Variants in STAP1 observed in about 807,000 individuals in gnomAD.
STAP1 encodes signal-transducing adaptor protein 1.
Under a neutral mutation model 37.8 loss-of-function variants are expected in STAP1, and 30 were observed. That is an observed-to-expected ratio of 0.79 (90% CI 0.59 to 1.08). The LOEUF is 1.08. Ranked by LOEUF, STAP1 falls within the 50% of genes least tolerant of loss-of-function variation. The probability of loss-of-function intolerance (pLI) is 0.00; values close to 1 mark genes in which losing one functional copy is unlikely to be tolerated. For synonymous variants in STAP1, 130 were observed against 116.0 expected (o/e 1.12, Z -0.78); for missense variants, 357 against 349.4 (o/e 1.02, Z -0.17).
intron 6 of STAP1, among the ~76,000 whole-genome samples, 162 bp downstream of exon 6, chr4:67,583,864 T>A (rs1727922288): frequency 6.6e-6 from 1 of 152,064 alleles, no homozygotes; most frequent in African/African-American, 2.4e-5. Flanking sequence ...TTCGGGAGGC[T>A]GAGGCAGACG....
intron 1 of STAP1, among the ~76,000 whole-genome samples, chr4:67,563,951 A>G (rs961659890): frequency 3.3e-5 from 5 of 152,168 alleles, no homozygotes; most frequent in African/African-American, 2.4e-5. Context: ...AAAAAAAAAA[A>G]AAAGAAATTT....
intron 8 of STAP1, 144 bp downstream of exon 8, chr4:67,593,500 T>C (rs1728164450): frequency 1.6e-6 from 1 of 626,966 alleles, no homozygotes; most frequent in South Asian, 2.0e-5. Flanking sequence ...AATCATTTTG[T>C]CACTCAGTCT....
At chr4:67,565,211 T>A (rs1727439113) in intron 1 of STAP1, among the ~76,000 whole-genome samples, 1 of 152,130 alleles carries the variant, frequency 6.6e-6, no homozygotes, top group Non-Finnish European at 1.5e-5. Context: ...TTTAACAGAG[T>A]GAAAAAAACT....
At chr4:67,559,989 T>C (rs1031063129) in intron 1 of STAP1, among the ~76,000 whole-genome samples, 1 of 152,156 alleles carries the variant, frequency 6.6e-6, no homozygotes, top group African/African-American at 2.4e-5. Context: ...ATTTTTTAGA[T>C]TGATCCTATA....
intron 8 of STAP1, among the ~76,000 whole-genome samples, chr4:67,605,847 AG>A (rs1728438433): frequency 6.6e-6 from 1 of 152,216 alleles, no homozygotes; most frequent in Non-Finnish European, 1.5e-5. Context: ...GTTGTAGAGC[AG>A]GTAAGGGTTC....
intron 8 of STAP1, among the ~76,000 whole-genome samples, chr4:67,596,170 G>C (rs576739553): frequency 3.3e-4 from 50 of 152,222 alleles, no homozygotes; most frequent in Non-Finnish European, 6.6e-4. Context: ...GCCCCATGCT[G>C]TTCTCCTGAT....
chr4:67,602,509 A>C (rs878932585), intron 8 of STAP1, among the ~76,000 whole-genome samples: 1 of 152,174 alleles, frequency 6.6e-6, no homozygotes, highest in South Asian at 2.1e-4. Context: ...GTCTTCAAAA[A>C]GAATTGAGTA....
chr4:67,585,540 T>C (rs1360016808), intron 6 of STAP1, among the ~76,000 whole-genome samples: 2 of 152,196 alleles, frequency 1.3e-5, no homozygotes, highest in South Asian at 4.1e-4. Context: ...TAAGGAAATG[T>C]GTGTGTGTAT....
At chr4:67,582,515 C>T (rs1578029443) in intron 5 of STAP1, among the ~76,000 whole-genome samples, 1 of 152,036 alleles carries the variant, frequency 6.6e-6, no homozygotes, top group South Asian at 2.1e-4. Flanking sequence ...GCCATGTTGC[C>T]CAGGCTGGTC....
At chr4:67,582,825 A>G (rs1200927191) in intron 5 of STAP1, among the ~76,000 whole-genome samples, 1 of 152,192 alleles carries the variant, frequency 6.6e-6, no homozygotes, top group Non-Finnish European at 1.5e-5. Context: ...AATGCATTGC[A>G]TGAGACATTC....
Position 67,558,940 on chromosome 4 carries a change from A to G in STAP1, c.120+11A>G, listed in dbSNP as rs1251166055. On this transcript the variant is annotated intron_variant, in intron 1 of 8. Transcript: ENST00000265404. ...CGGTCAGGATACCGGGTGAGTCTAT[A>G]GATGATAATGTTAAACCTAAGACTT... 1 of 1,595,616 alleles carries G rather than the reference A, an allele frequency of 6.3e-7. No individual in the cohort carries two copies. Among genetic ancestry groups the G allele is most frequent in the African/African-American group, 1.4e-5 (1 of 74,030 alleles).
intron 6 of STAP1, among the ~76,000 whole-genome samples, chr4:67,584,434 C>T (rs1474558186): frequency 1.3e-5 from 2 of 152,110 alleles, no homozygotes; most frequent in Non-Finnish European, 2.9e-5. Flanking sequence ...GAGACATAGA[C>T]TTAAACACAT....
chr4:67,589,713 C>A (rs1424158470), intron 6 of STAP1, among the ~76,000 whole-genome samples: 1 of 152,176 alleles, frequency 6.6e-6, no homozygotes, highest in Non-Finnish European at 1.5e-5. Flanking sequence ...GACAAACATA[C>A]TCTGGTTCAA....
intron 8 of STAP1, among the ~76,000 whole-genome samples, chr4:67,601,111 C>A (rs1040443164): frequency 7.9e-5 from 12 of 151,788 alleles, no homozygotes; most frequent in Middle Eastern, 3.2e-3. Context: ...TAATTTCTTG[C>A]TTTTTATTTT....
intron 2 of STAP1, among the ~76,000 whole-genome samples, chr4:67,575,006 T>G (rs1044258685): frequency 8.5e-5 from 13 of 152,158 alleles, no homozygotes; most frequent in African/African-American, 3.1e-4. Flanking sequence ...AATGAAGATG[T>G]AAATAACCTT....
chr4:67,577,467 A>G (rs1251350552), intron 4 of STAP1, among the ~76,000 whole-genome samples: 2 of 152,128 alleles, frequency 1.3e-5, no homozygotes, highest in Non-Finnish European at 2.9e-5. Context: ...ATCATTTCAC[A>G]TTGTGACAAT....
At chr4:67,562,940 A>C (rs919194625) in intron 1 of STAP1, among the ~76,000 whole-genome samples, 2 of 152,140 alleles carry the variant, frequency 1.3e-5, no homozygotes, top group African/African-American at 2.4e-5. Context: ...CATCTTGCAC[A>C]CCTTTGGAAT....
chr4:67,590,749 T>TTG (rs1553902350), intron 6 of STAP1, 135 bp from the exon 7 acceptor site: 1 of 335,758 alleles, frequency 3.0e-6, no homozygotes. Flanking sequence ...CGAAGGATTT[T>TTG]TTTTTTTTTT....
rs775036753 is a variant in STAP1 at position 67,577,220 on chromosome 4, T to G, written c.324T>G (p.Ser108Arg). 6.2e-7 allele frequency: 1 copy of G among 1,610,712 alleles called. No individual in the cohort carries two copies. Among genetic ancestry groups the G allele is most frequent in the Admixed American group, 1.7e-5 (1 of 59,758 alleles). ...AACTTTAGACAGAGAACACAGAAAGTGGGGAAGAATGGAGAGGCTTCATTC... is the reference window on the plus strand; with the variant it reads ...AACTTTAGACAGAGAACACAGAAAGGGGGGAAGAATGGAGAGGCTTCATTC... ...EVQLKTENTE[S>R]GEEWRGFILT... is the part of the protein sequence containing the mutation. The change falls in exon 4 of 9, where the codon AGT (serine) becomes AGG (arginine). Residue 108 changes from serine to arginine, a missense_variant. Coordinates refer to ENST00000265404, the MANE Select transcript of STAP1 (RefSeq NM_012108.4).
Sources: allele counts gnomAD v4.1 joint callset (sites outside exome capture counted in the v4.1 genomes callset), GRCh38; gene constraint gnomAD v4.1.1; transcripts MANE v1.5; gene names NCBI Gene and HGNC (gene_info 2026-07-23, HGNC 2026-07-21).